The following ZNF831 variants were observed in gnomAD, a reference collection of about 807,000 sequenced individuals.
The protein encoded by ZNF831 is zinc finger protein 831, also known as chromosome 20 open reading frame 174.
Under a neutral mutation model 95.8 loss-of-function variants are expected in ZNF831, and 59 were observed. The observed-to-expected ratio is 0.62, with a 90% CI of 0.50 to 0.77. ZNF831 has a LOEUF of 0.77. Among genes scored for constraint, ZNF831 ranks in the 30% least tolerant of loss-of-function variants. The pLI, the probability that ZNF831 is intolerant of heterozygous loss-of-function variation, is 0.00. For missense variants in ZNF831, 2,205 were observed against 2,164.0 expected (o/e 1.02, Z -0.38); for synonymous variants, 961 against 925.5 (o/e 1.04, Z -0.70).
At chr20:59,195,805 T>C in intron 2 of ZNF831, 64 bp from the exon 3 acceptor site, 1 of 1,568,440 alleles carries the variant, frequency 6.4e-7, no homozygotes, top group African/African-American at 1.4e-5. Flanking sequence ...GCGAGAACCC[T>C]TTGGAGTTTT....
At position 59,247,024 on chromosome 20, in the gene ZNF831, G is replaced by T. The variant is rs191595510; in HGVS notation, c.4028-5954G>T. ...TCCATCATTTTTAGCCATTTTTTTC[G>T]TAAAGAGGCTTCATAAACAAAAAAT... On this transcript the variant is annotated intron_variant, in intron 4 of 5. Transcript: ENST00000371030. Among the ~76,000 whole-genome samples, 12 of 152,146 alleles carry T rather than the reference G, an allele frequency of 7.9e-5. No homozygotes were observed. In the East Asian group the frequency reaches 2.1e-3, roughly 27 times the overall value.
intron 4 of ZNF831, among the ~76,000 whole-genome samples, chr20:59,225,443 C>T (rs150055100): frequency 5.5e-4 from 84 of 152,276 alleles, no homozygotes; most frequent in African/African-American, 2.0e-3. Context: ...ACCAAGCAGT[C>T]ATCTGTGTAG....
intron 1 of ZNF831, among the ~76,000 whole-genome samples, chr20:59,133,743 C>A (rs1979417572): frequency 1.3e-5 from 2 of 152,288 alleles, no homozygotes; most frequent in Middle Eastern, 3.4e-3. Flanking sequence ...CATTTTCCAG[C>A]TTGGAAACAG....
rs1242089275 is a variant in ZNF831 at position 59,125,284 on chromosome 20, T to C, written c.-1425+1779T>C. Among the ~76,000 whole-genome samples the C allele has an allele frequency of 2.0e-5, 3 of 152,360 alleles. 1 individual carries two copies. Among genetic ancestry groups the C allele is most frequent in the Non-Finnish European group, 1.5e-5 (1 of 68,044 alleles). On this transcript the variant is annotated intron_variant, in intron 1 of 7. Coordinates refer to the ZNF831 transcript ENST00000637017. ...TGGCCTCACCCTGCTGTAGAACTTCTTGATACGTGAAATAATACAAAGTCC... is the reference window on the plus strand; with the variant it reads ...TGGCCTCACCCTGCTGTAGAACTTCCTGATACGTGAAATAATACAAAGTCC...
At chr20:59,190,855 G>A (rs1983438936) in intron 1 of ZNF831, 129 bp from the exon 2 acceptor site, 1 of 741,612 alleles carries the variant, frequency 1.3e-6, no homozygotes, top group Non-Finnish European at 1.9e-6. Context: ...CGCTTGGGAT[G>A]AGAGTACATT....
chr20:59,217,314 A>G lies in ZNF831; in HGVS notation c.4027+10258A>G, dbSNP rs1985759321. 6.6e-6 allele frequency among the ~76,000 whole-genome samples: 1 copy of G among 152,278 alleles called. No individual in the cohort carries two copies. The highest frequency in any genetic ancestry group is 2.4e-5 in the African/African-American group (1 of 41,476). Reference sequence around the variant, plus strand: ...CTGTCTCAACTTCCTGAGCAGGGACAGAGTCCCTCTGGGTGGGAATACTCT... The same window carrying G: ...CTGTCTCAACTTCCTGAGCAGGGACGGAGTCCCTCTGGGTGGGAATACTCT... On this transcript the variant is annotated intron_variant, in intron 4 of 5. Coordinates refer to ENST00000371030, the MANE Select transcript of ZNF831 (RefSeq NM_178457.3). This position sits in a 1 kb window ranked among gnomAD's most constrained non-coding sequence, Gnocchi z 4.4.
intron 1 of ZNF831, among the ~76,000 whole-genome samples, chr20:59,176,426 G>T (rs1043261608): frequency 6.6e-6 from 1 of 152,134 alleles, no homozygotes; most frequent in Non-Finnish European, 1.5e-5. Flanking sequence ...TCACAGAACT[G>T]TACACTAAAG....
chr20:59,147,437 G>T (rs1156891385), intron 2 of ZNF831, among the ~76,000 whole-genome samples: 4 of 152,206 alleles, frequency 2.6e-5, no homozygotes, highest in African/African-American at 7.2e-5. Context: ...CTCTGACCTT[G>T]TCCCCTCTGG....
At chr20:59,224,465 C>T (rs1306790079) in intron 4 of ZNF831, among the ~76,000 whole-genome samples, 2 of 152,192 alleles carry the variant, frequency 1.3e-5, no homozygotes, top group Non-Finnish European at 2.9e-5. Context: ...CCCTGATGCC[C>T]TGATCATCTG....
At chr20:59,154,654 C>T (rs899431259) in intron 2 of ZNF831, among the ~76,000 whole-genome samples, 64 of 152,352 alleles carry the variant, frequency 4.2e-4, no homozygotes, top group Non-Finnish European at 6.3e-4. Context: ...CATCTGTCCC[C>T]GGCATGCTGC....
intron 1 of ZNF831, among the ~76,000 whole-genome samples, chr20:59,179,267 G>A (rs893951104): frequency 2.0e-5 from 3 of 152,150 alleles, no homozygotes; most frequent in Admixed American, 2.0e-4. Flanking sequence ...GATAGCCCTG[G>A]TGTTACCCCC....
intron 1 of ZNF831, among the ~76,000 whole-genome samples, chr20:59,144,323 G>A (rs934846407): frequency 2.0e-5 from 3 of 152,108 alleles, no homozygotes; most frequent in African/African-American, 7.2e-5. Flanking sequence ...CCCAAAGAAG[G>A]AGGCTGGAGG....
intron 1 of ZNF831, among the ~76,000 whole-genome samples, chr20:59,144,444 G>C (rs1979775289): frequency 6.6e-6 from 1 of 152,126 alleles, no homozygotes; most frequent in Non-Finnish European, 1.5e-5. Flanking sequence ...CAGCATCCTT[G>C]GCTTCTACCC....
intron 4 of ZNF831, among the ~76,000 whole-genome samples, chr20:59,223,269 C>CTCTGTCCG (rs1252383751): frequency 6.6e-6 from 1 of 152,112 alleles, no homozygotes; most frequent in African/African-American, 2.4e-5. Context: ...AAAGCAGAAT[C>CTCTGTCCG]CAGGATTCTG....
chr20:59,183,389 G>A (rs1242225287), intron 1 of ZNF831, among the ~76,000 whole-genome samples: 1 of 152,198 alleles, frequency 6.6e-6, no homozygotes, highest in Non-Finnish European at 1.5e-5. Context: ...AAGACTGTAA[G>A]TTAGGCAGGT....
intron 1 of ZNF831, among the ~76,000 whole-genome samples, chr20:59,170,026 C>T (rs146561415): frequency 2.0e-4 from 31 of 151,960 alleles, no homozygotes; most frequent in South Asian, 8.3e-4. Context: ...TCCTTTCTTC[C>T]GCTTGCTCTG....
At chr20:59,240,164 G>T (rs1024717471) in intron 4 of ZNF831, among the ~76,000 whole-genome samples, 4 of 140,554 alleles carry the variant, frequency 2.8e-5, no homozygotes, top group Non-Finnish European at 6.0e-5. Context: ...TCCTCTGTGC[G>T]GAATTGTGTG....
intron 1 of ZNF831, among the ~76,000 whole-genome samples, chr20:59,142,966 A>G (rs928608568): frequency 1.3e-5 from 2 of 152,048 alleles, no homozygotes; most frequent in African/African-American, 4.8e-5. Flanking sequence ...GCACGATCAT[A>G]ACTCACTGCA....
rs1983568650 is a variant in ZNF831, at chr20:59,191,853, T to C, written c.834T>C (p.Ala278=). 8.7e-6 allele frequency: 14 copies of C among 1,613,246 alleles called. No homozygotes were observed. Among genetic ancestry groups the C allele is most frequent in the Non-Finnish European group, 1.2e-5 (14 of 1,179,960 alleles). ...CPGSAFADRE[A]PWDSAPMASP... ...GGTCCGCATTTGCCGACAGAGAGGC[T>C]CCTTGGGACTCTGCCCCCATGGCGT... Residue 278 remains alanine (A), a synonymous_variant, in exon 2 of 6, where the codon GCT becomes GCC. Coordinates refer to ENST00000371030, the MANE Select transcript of ZNF831 (RefSeq NM_178457.3).
Sources: allele counts gnomAD v4.1 joint callset (sites outside exome capture counted in the v4.1 genomes callset), GRCh38; gene constraint gnomAD v4.1.1; non-coding constraint Gnocchi (gnomAD v3.1); transcripts MANE v1.5; gene names NCBI Gene and HGNC (gene_info 2026-07-23, HGNC 2026-07-21).